Variants in PKIB observed in about 807,000 individuals in gnomAD.
The protein encoded by PKIB is PKI-beta.
A neutral mutation model predicts 4.5 loss-of-function variants in PKIB; 2 were observed. The observed-to-expected ratio is 0.44, with a 90% CI of 0.18 to 1.39. The LOEUF (loss-of-function observed/expected upper bound fraction) is 1.39. PKIB is among the 40% of genes most tolerant of loss of function. The pLI is 0.27. For synonymous variants in PKIB, 38 were observed against 36.0 expected, an observed-to-expected ratio of 1.06 and a Z score of -0.20; for missense variants, 94 against 92.6, an observed-to-expected ratio of 1.02 and a Z score of -0.06.
At chr6:122,681,544 T>C (rs761421949) in intron 3 of PKIB, among the ~76,000 whole-genome samples, 7 of 152,202 alleles carry the variant, frequency 4.6e-5, no homozygotes, top group Non-Finnish European at 8.8e-5. Context: ...AATTTTCTTT[T>C]GCTCAATAAA....
intron 3 of PKIB, among the ~76,000 whole-genome samples, chr6:122,594,615 A>G (rs1198859576): frequency 6.6e-6 from 1 of 152,196 alleles, no homozygotes; most frequent in Non-Finnish European, 1.5e-5. Context: ...ATGTGGTCAT[A>G]ACTGGTATTG....
chr6:122,662,317 T>TTTTC (rs1323972516), intron 2 of PKIB, among the ~76,000 whole-genome samples: 6 of 106,784 alleles, frequency 5.6e-5, no homozygotes, highest in African/African-American at 2.2e-4. Context: ...CCTTTTTTTT[T>TTTTC]TTTTTTTTTT....
At chr6:122,502,867 G>A (rs964369005) in intron 2 of PKIB, among the ~76,000 whole-genome samples, 1 of 152,078 alleles carries the variant, frequency 6.6e-6, no homozygotes, top group Non-Finnish European at 1.5e-5. Flanking sequence ...CCTTGAAAGA[G>A]TCAGTCAAGA....
intron 3 of PKIB, among the ~76,000 whole-genome samples, chr6:122,708,652 G>T (rs1187091797): frequency 1.4e-4 from 21 of 152,030 alleles, no homozygotes; most frequent in Admixed American, 1.2e-3. Context: ...TCTTTTTCTT[G>T]ACATGGAGTC....
At chr6:122,494,153 G>A (rs751461584) in intron 2 of PKIB, among the ~76,000 whole-genome samples, 1 of 152,106 alleles carries the variant, frequency 6.6e-6, no homozygotes, top group South Asian at 2.1e-4. Flanking sequence ...GAACATGCTT[G>A]ATTAATTCAA....
intron 2 of PKIB, among the ~76,000 whole-genome samples, chr6:122,661,733 A>C (rs1776999414): frequency 6.6e-6 from 1 of 152,176 alleles, no homozygotes; most frequent in Non-Finnish European, 1.5e-5. Context: ...TGGCTGGATC[A>C]TATGGTAACT....
At chr6:122,684,144 A>G (rs1239462718) in intron 3 of PKIB, among the ~76,000 whole-genome samples, 1 of 152,184 alleles carries the variant, frequency 6.6e-6, no homozygotes, top group Non-Finnish European at 1.5e-5. Context: ...TCAGATTTGT[A>G]GAAGCCAAGA....
At chr6:122,595,430 T>C (rs1282871857) in intron 3 of PKIB, among the ~76,000 whole-genome samples, 1 of 152,138 alleles carries the variant, frequency 6.6e-6, no homozygotes, top group African/African-American at 2.4e-5. Context: ...GGTGAGTGCC[T>C]TTGTCAGAGG....
intron 2 of PKIB, among the ~76,000 whole-genome samples, chr6:122,560,268 T>G (rs1772974384): frequency 6.6e-6 from 1 of 151,902 alleles, no homozygotes; most frequent in Non-Finnish European, 1.5e-5. Flanking sequence ...TGGATTTTGT[T>G]GAATGCTTTT....
intron 2 of PKIB, among the ~76,000 whole-genome samples, chr6:122,660,903 TAA>T (rs1262954136): frequency 6.6e-6 from 1 of 152,202 alleles, no homozygotes; most frequent in East Asian, 1.9e-4. Flanking sequence ...CTTTTATGTA[TAA>T]GACACTTACA....
chr6:122,643,262 A>G (rs1404950290), intron 2 of PKIB: 1 of 152,188 alleles, frequency 6.6e-6, no homozygotes, highest in African/African-American at 2.4e-5. Context: ...TGAGCTAGGT[A>G]TTTCAAGGAC....
chr6:122,623,553 A>G (rs1775319520), intron 1 of PKIB, among the ~76,000 whole-genome samples: 2 of 152,138 alleles, frequency 1.3e-5, no homozygotes, highest in Non-Finnish European at 2.9e-5. Context: ...CTGTTTGCCT[A>G]CTGATTCAAA....
intron 1 of PKIB, among the ~76,000 whole-genome samples, chr6:122,620,893 A>C (rs1359056435): frequency 6.6e-6 from 1 of 152,158 alleles, no homozygotes; most frequent in East Asian, 1.9e-4. Flanking sequence ...TTCTGCATAA[A>C]CTACTTCAAG....
chr6:122,477,289 A>T (rs988052152), intron 1 of PKIB, among the ~76,000 whole-genome samples: 10 of 152,216 alleles, frequency 6.6e-5, no homozygotes, highest in African/African-American at 2.4e-4. Flanking sequence ...TATCCAGGTG[A>T]TACAAGCTAA....
intron 2 of PKIB, among the ~76,000 whole-genome samples, chr6:122,566,747 C>A (rs2114683909): frequency 6.6e-6 from 1 of 152,062 alleles, no homozygotes; most frequent in Non-Finnish European, 1.5e-5. Flanking sequence ...AATAGCAAAA[C>A]TTCATCCAGC....
intron 3 of PKIB, among the ~76,000 whole-genome samples, chr6:122,681,589 T>C (rs1361358409): frequency 1.3e-5 from 2 of 152,336 alleles, no homozygotes; most frequent in African/African-American, 2.4e-5. Flanking sequence ...GGTAATTACC[T>C]AATTGACATT....
chr6:122,641,705 A>T (rs2114850406), intron 2 of PKIB, among the ~76,000 whole-genome samples: 2 of 152,022 alleles, frequency 1.3e-5, no homozygotes, highest in South Asian at 4.2e-4. Context: ...TATTATTATT[A>T]TTTTTTGAGA....
At chr6:122,624,991 T>A (rs559807066) in intron 1 of PKIB, among the ~76,000 whole-genome samples, 59 of 152,300 alleles carry the variant, frequency 3.9e-4, no homozygotes, top group African/African-American at 1.4e-3. Context: ...TGAAAGGAGT[T>A]TCACAGTGGA....
intron 2 of PKIB, among the ~76,000 whole-genome samples, chr6:122,492,017 T>C (rs191563621): frequency 3.3e-4 from 50 of 152,308 alleles, no homozygotes; most frequent in Non-Finnish European, 4.9e-4. Context: ...GTGGATTAGT[T>C]ACGCAGATAT....
Sources: gnomAD v4.1 joint callset for allele counts (sites outside exome capture counted in the v4.1 genomes callset) on GRCh38, gnomAD v4.1.1 for gene constraint, MANE v1.5 for transcripts, NCBI Gene and HGNC (gene_info 2026-07-23, HGNC 2026-07-21) for gene names.